The following FGF12 variants were observed in gnomAD, a reference collection of about 807,000 sequenced individuals.
The protein encoded by FGF12 is fibroblast growth factor 12B.
FGF12 carries 14 observed loss-of-function variants against 23.6 expected under a neutral mutation model. That is an observed-to-expected ratio of 0.59 (90% confidence interval 0.39 to 0.93). The LOEUF is 0.93. Ranked by LOEUF, FGF12 falls within the 40% of genes least tolerant of loss-of-function variation. The pLI is 0.00. For synonymous variants in FGF12, 62 were observed against 77.3 expected, an observed-to-expected ratio of 0.80 and a Z score of 1.04; for missense variants, 175 against 217.8, an observed-to-expected ratio of 0.80 and a Z score of 1.24.
chr3:192,524,593 C>G (rs1446417744), intron 2 of FGF12, among the ~76,000 whole-genome samples: 1 of 152,190 alleles, frequency 6.6e-6, no homozygotes, highest in African/African-American at 2.4e-5. Context: ...ATTTCAGCCC[C>G]TTTAAGGTGA....
intron 2 of FGF12, among the ~76,000 whole-genome samples, chr3:192,423,588 A>G (rs1197119096): frequency 6.6e-6 from 1 of 152,170 alleles, no homozygotes; most frequent in African/African-American, 2.4e-5. Flanking sequence ...TTGGAATGGA[A>G]AGAACTTTAA....
chr3:192,183,788 G>T (rs926126249), intron 4 of FGF12, among the ~76,000 whole-genome samples: 2 of 152,182 alleles, frequency 1.3e-5, no homozygotes, highest in Non-Finnish European at 1.5e-5. Context: ...GAATTAACCC[G>T]ATCAAGACCA....
At chr3:192,155,762 A>G (rs773019453) in intron 5 of FGF12, among the ~76,000 whole-genome samples, 6 of 152,206 alleles carry the variant, frequency 3.9e-5, no homozygotes, top group East Asian at 1.9e-4. Flanking sequence ...TTTAGGGGAA[A>G]CCTTTAGCAA....
At chr3:192,452,719 T>C (rs373712462) in intron 2 of FGF12, among the ~76,000 whole-genome samples, 7 of 152,198 alleles carry the variant, frequency 4.6e-5, no homozygotes, top group African/African-American at 1.7e-4. Context: ...AGCATCCTTG[T>C]CCGTGATTGT....
chr3:192,724,867 C>T (rs1474150770), intron 2 of FGF12, among the ~76,000 whole-genome samples: 2 of 152,166 alleles, frequency 1.3e-5, no homozygotes, highest in African/African-American at 2.4e-5. Context: ...CAAGATTAAA[C>T]AGGCCATTAG....
At chr3:192,592,277 A>G (rs981071151) in intron 2 of FGF12, among the ~76,000 whole-genome samples, 5 of 151,874 alleles carry the variant, frequency 3.3e-5, no homozygotes, top group African/African-American at 9.7e-5. Flanking sequence ...AGAAGAGATT[A>G]TGTCTTCGTT....
intron 4 of FGF12, among the ~76,000 whole-genome samples, chr3:192,330,029 G>T (rs2108691221): frequency 6.6e-6 from 1 of 152,184 alleles, no homozygotes; most frequent in African/African-American, 2.4e-5. Context: ...AAAAGGCACT[G>T]TGAGATTAAA....
chr3:192,141,127 C>CAAAAAAAAAAAAAAAAAAAAAAAAA lies in FGF12; in HGVS notation c.*2881_*2882insTTTTTTTTTTTTTTTTTTTTTTTTT, dbSNP rs1396299359. On this transcript the variant is annotated 3_prime_UTR_variant, in exon 6 of 6. Coordinates refer to ENST00000445105, the MANE Select transcript of FGF12 (RefSeq NM_004113.6). The stretch of plus-strand genomic sequence containing the variant: ...TCCTGGGAAAAATCCCAATGCAACT[C>CAAAAAAAAAAAAAAAAAAAAAAAAA]CAAAAAAAAAAAAAAAAAAAAAAAA... The CAAAAAAAAAAAAAAAAAAAAAAAAA allele has an allele frequency of 1.5e-3, 32 of 21,822 alleles. 4 individuals are homozygous for CAAAAAAAAAAAAAAAAAAAAAAAAA. Among genetic ancestry groups the CAAAAAAAAAAAAAAAAAAAAAAAAA allele is most frequent in the Non-Finnish European group, 2.1e-3 (28 of 13,032 alleles). 1.4% of individuals were successfully genotyped at this position (21,822 alleles called of 1,614,324 possible).
intron 4 of FGF12, among the ~76,000 whole-genome samples, chr3:192,255,295 T>G: frequency 6.6e-6 from 1 of 152,090 alleles, no homozygotes; most frequent in Non-Finnish European, 1.5e-5. Flanking sequence ...TTATAAACAT[T>G]GTCAACTTTT....
chr3:192,426,827 T>C (rs746406945), intron 2 of FGF12, among the ~76,000 whole-genome samples: 3 of 152,206 alleles, frequency 2.0e-5, no homozygotes, highest in Admixed American at 2.0e-4. Flanking sequence ...ATTTGACTTG[T>C]AACCAAAATC....
chr3:192,533,421 A>G (rs1044298884), intron 2 of FGF12, among the ~76,000 whole-genome samples: 3 of 152,170 alleles, frequency 2.0e-5, no homozygotes, highest in African/African-American at 4.8e-5. Context: ...TGGGGCCTGC[A>G]CCTATAATGA....
intron 2 of FGF12, among the ~76,000 whole-genome samples, chr3:192,583,945 G>A (rs1294776849): frequency 6.6e-6 from 1 of 152,064 alleles, no homozygotes; most frequent in Non-Finnish European, 1.5e-5. Flanking sequence ...GGGTTCTGCT[G>A]ACTTAAAAAA....
rs964659603 is a variant in FGF12, at chr3:192,680,555, C to G, written c.13+46626G>C. 3.9e-5 allele frequency among the ~76,000 whole-genome samples: 6 copies of G among 151,960 alleles called. 1 individual carries two copies. The South Asian group carries it at 1.2e-3, about 32-fold the overall frequency. On this transcript the variant is annotated intron_variant, in intron 2 of 5. Transcript: ENST00000445105. Reference sequence around the variant, plus strand: ...ACTGTGTTGTGAGGACTGGAGCGGACAGAAGAAAACTTTCCGCAATGAAAA... The same window carrying G: ...ACTGTGTTGTGAGGACTGGAGCGGAGAGAAGAAAACTTTCCGCAATGAAAA...
At chr3:192,273,308 A>T (rs1713564973) in intron 4 of FGF12, among the ~76,000 whole-genome samples, 1 of 152,218 alleles carries the variant, frequency 6.6e-6, no homozygotes, top group African/African-American at 2.4e-5. Context: ...ACTATAGTGG[A>T]AAAGGGAAAA....
chr3:192,271,943 A>G (rs570526123), intron 4 of FGF12, among the ~76,000 whole-genome samples: 1 of 152,250 alleles, frequency 6.6e-6, no homozygotes, highest in African/African-American at 2.4e-5. Context: ...TTCAAAGCTG[A>G]TCTCCTAATT....
intron 2 of FGF12, among the ~76,000 whole-genome samples, chr3:192,602,795 A>G (rs1714169220): frequency 6.6e-6 from 1 of 152,044 alleles, no homozygotes; most frequent in Non-Finnish European, 1.5e-5. Flanking sequence ...CCTCATCAAA[A>G]TACTAGCAAA....
rs1442083532 is a variant in FGF12, at chr3:192,624,838, C to T, written c.13+102343G>A. On this transcript the variant is annotated intron_variant, in intron 2 of 5. Transcript: ENST00000445105. ...GACCATACATTTTAAAAGTCTCTATCCCCTATTTGTGATCCATCAGTACCC... is the reference window on the plus strand; with the variant it reads ...GACCATACATTTTAAAAGTCTCTATTCCCTATTTGTGATCCATCAGTACCC... 2.6e-4 allele frequency among the ~76,000 whole-genome samples: 40 copies of T among 152,040 alleles called. 1 individual carries two copies. The highest frequency in any genetic ancestry group is 2.6e-3 in the Admixed American group (40 of 15,248).
chr3:192,198,969 CAT>C (rs1371255393), intron 4 of FGF12, among the ~76,000 whole-genome samples: 3 of 152,192 alleles, frequency 2.0e-5, no homozygotes, highest in African/African-American at 7.2e-5. Flanking sequence ...AAATTTTACA[CAT>C]GTGTTGTTTA....
Position 192,711,930 on chromosome 3 carries a change from C to T in FGF12, c.13+15251G>A, listed in dbSNP as rs147355861. Among the ~76,000 whole-genome samples, 1,057 of 117,066 alleles carry T rather than the reference C, an allele frequency of 9.0e-3. 48 individuals carry two copies. The East Asian group carries it at 0.14, about 15-fold the overall frequency. 76.8% of individuals were successfully genotyped at this position (117,066 alleles called of 152,430 possible). A position where few individuals can be genotyped will look rare whatever the true frequency, so the allele number is the denominator to read the frequency against. On this transcript the variant is annotated intron_variant, in intron 2 of 5. Coordinates refer to ENST00000445105, the MANE Select transcript of FGF12 (RefSeq NM_004113.6). ...CAAATCCCCCTCTGCGAGAAACACC[C>T]AAGAACGATCAAAAAAAAAAAAAAA... is the stretch of plus-strand genomic sequence containing the variant.
Sources: gnomAD v4.1 joint callset for allele counts (sites outside exome capture counted in the v4.1 genomes callset) on GRCh38, gnomAD v4.1.1 for gene constraint, MANE v1.5 for transcripts, NCBI Gene and HGNC (gene_info 2026-07-23, HGNC 2026-07-21) for gene names.